The following ETFB variants were observed in gnomAD, a reference collection of about 807,000 sequenced individuals.
ETFB encodes the protein electron transfer flavoprotein subunit beta, also known as beta-ETF.
ETFB carries 20 observed loss-of-function variants against 25.6 expected under a neutral mutation model. The observed-to-expected ratio is 0.78, with a 90% CI of 0.55 to 1.14. ETFB has a LOEUF of 1.14. Among genes scored for constraint, ETFB ranks in the 50% most tolerant of loss-of-function variants. The pLI, the probability that ETFB is intolerant of heterozygous loss-of-function variation, is 0.00. For missense variants in ETFB, 286 were observed against 342.6 expected, an observed-to-expected ratio of 0.83 and a Z score of 1.30; for synonymous variants, 142 against 146.7, an observed-to-expected ratio of 0.97 and a Z score of 0.23.
In ETFB at chr19:51,350,453, T is replaced by A. The variant is rs1985906774; in HGVS notation, c.376-62A>T. The A allele has an allele frequency of 4.4e-6, 4 of 901,754 alleles. No homozygotes were observed. In the Admixed American group the frequency reaches 7.7e-5, roughly 17 times the overall value. The allele number at this position is 901,754 out of a possible 1,614,324, so 55.9% of individuals were successfully genotyped here. On this transcript the variant is annotated intron_variant, in intron 3 of 5. Transcript: ENST00000309244. ...GTGGAGCTCATGGACCATTCAGGCCTCTGTCTAGAACAGGGGTTGGCAAAC... is the reference window on the plus strand; with the variant it reads ...GTGGAGCTCATGGACCATTCAGGCCACTGTCTAGAACAGGGGTTGGCAAAC...
intron 4 of ETFB, chr19:51,348,569 A>G (rs889424454): frequency 6.6e-6 from 1 of 152,250 alleles, no homozygotes; most frequent in African/African-American, 2.4e-5. Context: ...AGCTTGGGCA[A>G]CATAGTGAGA....
chr19:51,350,869 T>A (rs1985919559), intron 3 of ETFB, among the ~76,000 whole-genome samples: 1 of 152,260 alleles, frequency 6.6e-6, no homozygotes, highest in African/African-American at 2.4e-5. Flanking sequence ...GCTGCTGTTG[T>A]AGCACACAGG....
chr19:51,345,302 C>A lies in ETFB; in HGVS notation c.677G>T (p.Ser226Ile). Residue 226 changes from serine (S) to isoleucine (I), a missense_variant, in exon 6 of 6, where the codon AGT becomes ATT. By Grantham distance (142) the Ser-to-Ile change is moderately radical. Coordinates refer to ENST00000309244, the MANE Select transcript of ETFB (RefSeq NM_001985.3). ...VDLTSKLSVI[S>I]VEDPPQRTAG... ...CGTGCGCTGGGGCGGGTCCTCCACA[C>A]TGATCACAGAGAGCTTGGAGGTCAG... 6.2e-7 allele frequency: 1 copy of A among 1,614,186 alleles called. No individual in the cohort carries two copies. The highest frequency in any genetic ancestry group is 2.2e-5 in the East Asian group (1 of 44,872).
At position 51,346,530 on chromosome 19, in the gene ETFB, A is replaced by G; in HGVS notation, c.597+370T>C. The G allele has an allele frequency of 1.2e-5, 3 of 254,560 alleles. No individual in the cohort carries two copies. The South Asian group carries it at 1.5e-4, about 13-fold the overall frequency. 15.8% of individuals were successfully genotyped at this position (254,560 alleles called of 1,614,324 possible). On this transcript the variant is annotated intron_variant, in intron 5 of 5. Transcript: ENST00000309244. ...GCACCCTTCCTAGTTAACTAAGATG[A>G]TCTACATGGTAACTTCACATTGGCA... is the stretch of plus-strand genomic sequence containing the variant.
At chr19:51,363,416 T>C (rs995318542) in intron 1 of ETFB, among the ~76,000 whole-genome samples, 1 of 152,046 alleles carries the variant, frequency 6.6e-6, no homozygotes, top group Non-Finnish European at 1.5e-5. Flanking sequence ...AGGGGCTTCC[T>C]GGAGGAGGCG....
rs139315136 is a variant in ETFB at position 51,345,313 on chromosome 19, G to C, written c.666C>G (p.Leu222=). The C allele has an allele frequency of 4.3e-6, 7 of 1,614,112 alleles. No individual in the cohort carries two copies. In the African/African-American group the frequency reaches 5.3e-5, roughly 12 times the overall value. Residue 222 remains leucine, a synonymous_variant, in exon 6 of 6, where the codon CTC becomes CTG. Transcript: ENST00000309244. ...GDLGVDLTSK[L]SVISVEDPPQ... is the part of the protein sequence containing the mutation. ...GCGGGTCCTCCACACTGATCACAGA[G>C]AGCTTGGAGGTCAGGTCCACACCCA... is the stretch of plus-strand genomic sequence containing the variant.
chr19:51,360,400 C>CA (rs1245691469), intron 1 of ETFB, among the ~76,000 whole-genome samples: 4,450 of 112,946 alleles, frequency 0.039, 206 homozygotes, highest in African/African-American at 0.13. Flanking sequence ...GATTCTATCT[C>CA]AAAAAAAAAA....
chr19:51,359,931 C>T (rs1986178704), intron 1 of ETFB, among the ~76,000 whole-genome samples: 1 of 151,506 alleles, frequency 6.6e-6, no homozygotes, highest in South Asian at 2.1e-4. Context: ...GGTGGGAGGA[C>T]GGCTTGAACC....
intron 1 of ETFB, among the ~76,000 whole-genome samples, chr19:51,361,212 T>C (rs1346870689): frequency 1.3e-5 from 2 of 152,048 alleles, no homozygotes; most frequent in Non-Finnish European, 2.9e-5. Context: ...ATTACAGGTG[T>C]GAGCCACCAC....
intron 4 of ETFB, 22 bp from the exon 5 acceptor site, chr19:51,347,080 G>C: frequency 6.2e-7 from 1 of 1,613,610 alleles, no homozygotes; most frequent in Non-Finnish European, 8.5e-7. Flanking sequence ...CAGTGTAGGA[G>C]GAGAGTGGGT....
At chr19:51,345,668 G>A in intron 5 of ETFB, 1 of 486,770 alleles carries the variant, frequency 2.1e-6, no homozygotes, top group South Asian at 2.0e-5. Context: ...CCATCCTTTT[G>A]GTAGTAATGA....
intron 1 of ETFB, among the ~76,000 whole-genome samples, chr19:51,363,461 T>C (rs1986279095): frequency 6.6e-6 from 1 of 151,912 alleles, no homozygotes; most frequent in African/African-American, 2.4e-5. Flanking sequence ...TTATTATTAT[T>C]ATTTTGAGAC....
At chr19:51,363,951 C>A (rs939955071) in intron 1 of ETFB, among the ~76,000 whole-genome samples, 2 of 152,124 alleles carry the variant, frequency 1.3e-5, no homozygotes, top group Admixed American at 1.3e-4. Context: ...ACGGCTGAAG[C>A]AGACCATGAA....
At chr19:51,361,697 G>GTTTTTTTTTTTTT (rs67282065) in intron 1 of ETFB, 2 of 95,424 alleles carry the variant, frequency 2.1e-5, no homozygotes, top group African/African-American at 4.6e-5. Flanking sequence ...CCTCTCCTGG[G>GTTTTTTTTTTTTT]TTTTTTTTTT....
Position 51,347,072 on chromosome 19 carries a change from G to A in ETFB, c.439-14C>T, listed in dbSNP as rs756770328. The A allele has an allele frequency of 1.9e-6, 3 of 1,613,876 alleles. No homozygotes were observed. Among genetic ancestry groups the A allele is most frequent in the South Asian group, 1.1e-5 (1 of 91,068 alleles). Reference sequence around the variant, plus strand: ...GGCGAATGTGCCCTGGGGAGGGACAGTGTAGGAGGAGAGTGGGTGAGGCTA... The same window carrying A: ...GGCGAATGTGCCCTGGGGAGGGACAATGTAGGAGGAGAGTGGGTGAGGCTA... On this transcript the variant is annotated splice_polypyrimidine_tract_variant and intron_variant, in intron 4 of 5. Coordinates refer to ENST00000309244, the MANE Select transcript of ETFB (RefSeq NM_001985.3).
chr19:51,356,368 C>T (rs972916375), intron 1 of ETFB: 2 of 152,094 alleles, frequency 1.3e-5, no homozygotes, highest in Non-Finnish European at 2.9e-5. Flanking sequence ...CAATACTGAC[C>T]CTGCCTACAC....
At chr19:51,353,991 T>C (rs112133664) in intron 2 of ETFB, among the ~76,000 whole-genome samples, 159 bp downstream of exon 2, 610 of 57,032 alleles carry the variant, frequency 0.011, no homozygotes, top group Middle Eastern at 0.094. Flanking sequence ...CCCATCCCCT[T>C]CTTCCTCAGA....
intron 3 of ETFB, among the ~76,000 whole-genome samples, chr19:51,351,561 G>A (rs73560132): frequency 0.03 from 4,508 of 152,316 alleles, 223 homozygotes; most frequent in African/African-American, 0.1. Context: ...GTCTGAGAAC[G>A]ACCAGCAAAT....
At chr19:51,353,033 C>CT in intron 3 of ETFB, 99 bp downstream of exon 3, 1 of 1,471,448 alleles carries the variant, frequency 6.8e-7, no homozygotes, top group Non-Finnish European at 9.4e-7. Context: ...GTGGTGAATG[C>CT]CCTGGGCCTG....
Sources: gnomAD v4.1 joint callset for allele counts (sites outside exome capture counted in the v4.1 genomes callset) on GRCh38, gnomAD v4.1.1 for gene constraint, MANE v1.5 for transcripts, NCBI Gene and HGNC (gene_info 2026-07-23, HGNC 2026-07-21) for gene names.